Variants in PRKG1 observed in about 807,000 individuals in gnomAD.
PRKG1 encodes protein kinase cGMP-dependent 1.
In PRKG1, 35 loss-of-function variants were observed where a neutral mutation model predicts 88.1. The observed-to-expected ratio is 0.40, with a 90% CI of 0.30 to 0.53. PRKG1 has a LOEUF of 0.53. Ranked by LOEUF, PRKG1 falls within the 20% of genes least tolerant of loss-of-function variation. PRKG1 has a pLI of 0.59. For synonymous variants in PRKG1, 303 were observed against 292.5 expected, an observed-to-expected ratio of 1.04 and a Z score of -0.37; for missense variants, 540 against 839.8, an observed-to-expected ratio of 0.64 and a Z score of 4.41.
intron 3 of PRKG1, among the ~76,000 whole-genome samples, chr10:51,750,155 C>T (rs757698682): frequency 7.2e-5 from 11 of 152,022 alleles, no homozygotes; most frequent in Middle Eastern, 3.4e-3. Flanking sequence ...AGGCTGGTCT[C>T]GAACTCCTGA....
chr10:51,841,376 A>G (rs1394194698), intron 4 of PRKG1, among the ~76,000 whole-genome samples: 2 of 152,198 alleles, frequency 1.3e-5, no homozygotes, highest in African/African-American at 2.4e-5. Context: ...GAAACGAAAA[A>G]TTATAGTACA....
chr10:52,078,143 G>A (rs570787717), intron 7 of PRKG1, among the ~76,000 whole-genome samples: 5 of 152,130 alleles, frequency 3.3e-5, no homozygotes, highest in African/African-American at 9.7e-5. Context: ...GTTTTCTACC[G>A]CCTACATCCA....
At chr10:52,221,300 A>C (rs1029245446) in intron 9 of PRKG1, among the ~76,000 whole-genome samples, 1 of 152,184 alleles carries the variant, frequency 6.6e-6, no homozygotes. Flanking sequence ...TTTTAAGGCA[A>C]TATATCTTGA....
intron 5 of PRKG1, among the ~76,000 whole-genome samples, chr10:52,026,531 T>G (rs2133201915): frequency 6.6e-6 from 1 of 152,286 alleles, no homozygotes; most frequent in African/African-American, 2.4e-5. Context: ...GGAAATACAT[T>G]ATTTGTTGCC....
chr10:51,884,623 C>T (rs1020765590), intron 4 of PRKG1, among the ~76,000 whole-genome samples: 9 of 152,164 alleles, frequency 5.9e-5, no homozygotes, highest in African/African-American at 2.2e-4. Flanking sequence ...ATGTTCTACT[C>T]CATACATTGT....
At chr10:51,552,993 CATA>C (rs1420647559) in intron 3 of PRKG1, among the ~76,000 whole-genome samples, 1 of 151,602 alleles carries the variant, frequency 6.6e-6, no homozygotes, top group East Asian at 1.9e-4. Flanking sequence ...TCCAAAATAA[CATA>C]ATGAGGACAG....
At chr10:50,995,838 A>G (rs1195677434) in intron 1 of PRKG1, among the ~76,000 whole-genome samples, 1 of 152,232 alleles carries the variant, frequency 6.6e-6, no homozygotes, top group Non-Finnish European at 1.5e-5. Flanking sequence ...CTTGTCATGA[A>G]TCGCTTGATT....
chr10:51,870,896 C>T (rs999752365), intron 4 of PRKG1, among the ~76,000 whole-genome samples: 6 of 152,186 alleles, frequency 3.9e-5, no homozygotes, highest in African/African-American at 1.2e-4. Context: ...CATGGGGCTG[C>T]TCCAGTCTCC....
At chr10:51,537,495 G>A (rs1842186280) in intron 3 of PRKG1, among the ~76,000 whole-genome samples, 1 of 152,104 alleles carries the variant, frequency 6.6e-6, no homozygotes, top group Non-Finnish European at 1.5e-5. Context: ...CATTTTGGGA[G>A]GCCAAGGCAG....
At chr10:51,593,827 T>C (rs1056034040) in intron 3 of PRKG1, among the ~76,000 whole-genome samples, 4 of 151,922 alleles carry the variant, frequency 2.6e-5, no homozygotes, top group Non-Finnish European at 4.4e-5. Flanking sequence ...CAGGTTCAAG[T>C]GATTCTCCTG....
intron 1 of PRKG1, among the ~76,000 whole-genome samples, chr10:51,127,330 T>C (rs763544591): frequency 4.6e-5 from 7 of 152,168 alleles, no homozygotes; most frequent in Non-Finnish European, 1.0e-4. Flanking sequence ...AAAGAAGACA[T>C]ATTTGTTGCC....
At chr10:52,190,841 AG>A (rs1839344441) in intron 9 of PRKG1, among the ~76,000 whole-genome samples, 1 of 152,162 alleles carries the variant, frequency 6.6e-6, no homozygotes, top group Admixed American at 6.5e-5. Context: ...TGCTTTGTCG[AG>A]TTCTTTAAAA....
intron 4 of PRKG1, among the ~76,000 whole-genome samples, chr10:51,824,903 A>G (rs2099192709): frequency 6.6e-6 from 1 of 152,158 alleles, no homozygotes; most frequent in African/African-American, 2.4e-5. Context: ...TGAGGATCAC[A>G]TTTCAACATG....
At chr10:51,122,660 A>G (rs1845289049) in intron 1 of PRKG1, among the ~76,000 whole-genome samples, 1 of 152,196 alleles carries the variant, frequency 6.6e-6, no homozygotes, top group Non-Finnish European at 1.5e-5. Flanking sequence ...AGAAAGAAAA[A>G]AGCAGCCAGT....
At chr10:51,568,101 C>T (rs80109906) in intron 3 of PRKG1, among the ~76,000 whole-genome samples, 10,487 of 151,698 alleles carry the variant, frequency 0.069, 1,181 homozygotes, top group African/African-American at 0.24. Flanking sequence ...ATGGTTTGTC[C>T]TCCCAAGAAA....
intron 5 of PRKG1, among the ~76,000 whole-genome samples, chr10:51,917,983 G>T (rs553052978): frequency 2.2e-4 from 33 of 152,086 alleles, no homozygotes; most frequent in Admixed American, 8.5e-4. Flanking sequence ...CTTTAACTGG[G>T]TTCCTATATG....
At chr10:51,476,827 T>C (rs1176851592) in intron 3 of PRKG1, among the ~76,000 whole-genome samples, 1 of 152,008 alleles carries the variant, frequency 6.6e-6, no homozygotes, top group Non-Finnish European at 1.5e-5. Flanking sequence ...TAAAATAGTT[T>C]GAAGACCACT....
chr10:51,867,494 G>C (rs1841045441), intron 4 of PRKG1, among the ~76,000 whole-genome samples: 1 of 152,038 alleles, frequency 6.6e-6, no homozygotes, highest in Admixed American at 6.6e-5. Flanking sequence ...CCTAGGCCAG[G>C]GCAGTGGAAA....
At chr10:52,251,466 C>G in intron 9 of PRKG1, 104 bp from the exon 10 acceptor site, 1 of 824,932 alleles carries the variant, frequency 1.2e-6, no homozygotes, top group Non-Finnish European at 2.0e-6. Context: ...GGAATGTAAG[C>G]AGGTAAACCC....
Sources: allele counts gnomAD v4.1 joint callset (sites outside exome capture counted in the v4.1 genomes callset), GRCh38; gene constraint gnomAD v4.1.1; transcripts MANE v1.5; gene names NCBI Gene and HGNC (gene_info 2026-07-23, HGNC 2026-07-21).